The following SORCS1 variants were observed in gnomAD, a reference collection of about 807,000 sequenced individuals.
SORCS1 encodes the protein sortilin related VPS10 domain containing receptor 1.
In SORCS1, 60 loss-of-function variants were observed where a neutral mutation model predicts 146.1. The ratio of observed to expected loss-of-function variants is 0.41; its 90% CI spans 0.33 to 0.51. SORCS1 has a LOEUF of 0.51. Among genes scored for constraint, SORCS1 ranks in the 20% least tolerant of loss-of-function variants. The pLI is 0.21. For missense variants in SORCS1, 1,352 were observed against 1,487.6 expected (o/e 0.91, Z 1.50); for synonymous variants, 637 against 584.0 (o/e 1.09, Z -1.31).
intron 6 of SORCS1, among the ~76,000 whole-genome samples, chr10:106,719,297 G>C (rs1855613536): frequency 6.6e-6 from 1 of 152,172 alleles, no homozygotes. Flanking sequence ...GGAAGGGGGA[G>C]TGAGGGGAGA....
At position 106,611,937 on chromosome 10, in the gene SORCS1, G is replaced by T; in HGVS notation, c.3007C>A (p.Arg1003=). ...DIPEWRRDIG[R]VIKKSLVEAT... ...TCCACCAGGGATTTTTTGATGACTC[G>T]ACCGATGTCCCTCCTCCACTCAGGG... The change falls in exon 22 of 26, where the codon CGA becomes AGA. Residue 1003 remains arginine (R), a synonymous_variant. Coordinates refer to ENST00000263054, the MANE Select transcript of SORCS1 (RefSeq NM_052918.5). The T allele has an allele frequency of 6.2e-7, 1 of 1,613,978 alleles. No homozygotes were observed. The highest frequency in any genetic ancestry group is 8.5e-7 in the Non-Finnish European group (1 of 1,179,932).
At chr10:106,961,269 T>C (rs1302375005) in intron 1 of SORCS1, among the ~76,000 whole-genome samples, 3 of 152,212 alleles carry the variant, frequency 2.0e-5, no homozygotes, top group Non-Finnish European at 2.9e-5. Flanking sequence ...CCTATGCCAA[T>C]TATCAGTCAT....
intron 10 of SORCS1, among the ~76,000 whole-genome samples, chr10:106,680,582 T>C (rs1007832792): frequency 3.9e-5 from 6 of 152,218 alleles, no homozygotes; most frequent in Non-Finnish European, 1.5e-5. Flanking sequence ...GACTTGTTTG[T>C]GCAGAAACCT....
chr10:106,952,681 A>G (rs1294237443), intron 2 of SORCS1, among the ~76,000 whole-genome samples: 1 of 151,122 alleles, frequency 6.6e-6, no homozygotes, highest in Non-Finnish European at 1.5e-5. Flanking sequence ...CATTCCTATT[A>G]AAGTACTAAA....
intron 6 of SORCS1, among the ~76,000 whole-genome samples, chr10:106,713,689 A>G (rs1265224478): frequency 2.6e-5 from 4 of 152,232 alleles, no homozygotes; most frequent in Non-Finnish European, 5.9e-5. Context: ...TGAAGCTAAA[A>G]AATAGTGATG....
At chr10:106,725,976 A>G (rs1445292980) in intron 6 of SORCS1, among the ~76,000 whole-genome samples, 1 of 151,594 alleles carries the variant, frequency 6.6e-6, no homozygotes, top group Non-Finnish European at 1.5e-5. Flanking sequence ...GAGATAACAC[A>G]GAGATATGAA....
intron 4 of SORCS1, among the ~76,000 whole-genome samples, chr10:106,763,909 T>C (rs111260120): frequency 2.0e-5 from 3 of 152,332 alleles, no homozygotes; most frequent in African/African-American, 7.2e-5. Context: ...CTTTTAGATG[T>C]TGGAAATCCT....
chr10:106,807,246 G>C (rs1351945891), intron 3 of SORCS1, among the ~76,000 whole-genome samples: 1 of 152,184 alleles, frequency 6.6e-6, no homozygotes, highest in Non-Finnish European at 1.5e-5. Flanking sequence ...AGAGTGCAAG[G>C]ACTGCAGATA....
At chr10:106,977,107 TCAC>T (rs1383024745) in intron 1 of SORCS1, among the ~76,000 whole-genome samples, 1 of 152,212 alleles carries the variant, frequency 6.6e-6, no homozygotes, top group Non-Finnish European at 1.5e-5. Flanking sequence ...CCCTGAGGAA[TCAC>T]CACACTGTTT....
At chr10:107,098,244 C>T (rs1352802099) in intron 1 of SORCS1, among the ~76,000 whole-genome samples, 3 of 152,142 alleles carry the variant, frequency 2.0e-5, no homozygotes, top group African/African-American at 7.2e-5. Context: ...ATATTGAACT[C>T]TTTTATCTTT....
chr10:106,581,355 A>G lies in SORCS1; in HGVS notation c.3266-1881T>C, dbSNP rs1844901168. 2.8e-5 allele frequency among the ~76,000 whole-genome samples: 4 copies of G among 142,042 alleles called. 1 individual carries two copies. The South Asian group carries it at 7.1e-4, about 25-fold the overall frequency. The allele number at this position is 142,042 out of a possible 152,430, so 93.2% of individuals were successfully genotyped here. A position where few individuals can be genotyped will look rare whatever the true frequency, so the allele number is the denominator to read the frequency against. On this transcript the variant is annotated intron_variant, in intron 24 of 25. Coordinates refer to ENST00000263054, the MANE Select transcript of SORCS1 (RefSeq NM_052918.5). ...CACACACACACACACACACACACACACACACTTTCTATATACTCAATCCTG... is the reference window on the plus strand; with the variant it reads ...CACACACACACACACACACACACACGCACACTTTCTATATACTCAATCCTG...
At chr10:107,101,546 C>T (rs1232301057) in intron 1 of SORCS1, among the ~76,000 whole-genome samples, 1 of 152,150 alleles carries the variant, frequency 6.6e-6, no homozygotes, top group Non-Finnish European at 1.5e-5. Context: ...TAAAATTCCC[C>T]TGTGCTTCAC....
chr10:106,719,949 T>C (rs1330674966), intron 6 of SORCS1, among the ~76,000 whole-genome samples: 3 of 152,228 alleles, frequency 2.0e-5, no homozygotes, highest in Non-Finnish European at 4.4e-5. Context: ...TCCATTTGTC[T>C]GGAATGCTCT....
At chr10:106,737,055 A>ATGTGAGTGTGCG (rs67444252) in intron 5 of SORCS1, among the ~76,000 whole-genome samples, 117,755 of 150,860 alleles carry the variant, frequency 0.78, 46,792 homozygotes, top group Non-Finnish European at 0.87. Context: ...GTGTGTGTGC[A>ATGTGAGTGTGCG]TGTGAGTGTG....
At chr10:106,586,993 G>A (rs1485106617) in intron 24 of SORCS1, among the ~76,000 whole-genome samples, 2 of 152,108 alleles carry the variant, frequency 1.3e-5, no homozygotes, top group Non-Finnish European at 2.9e-5. Context: ...CTGCACGCTG[G>A]TAGGTAGATG....
intron 5 of SORCS1, among the ~76,000 whole-genome samples, chr10:106,749,696 T>A (rs1033018219): frequency 1.3e-5 from 2 of 152,182 alleles, no homozygotes; most frequent in African/African-American, 2.4e-5. Flanking sequence ...TTCAATCGAA[T>A]CAAAATGAGA....
chr10:107,097,941 G>GA (rs970294998), intron 1 of SORCS1, among the ~76,000 whole-genome samples: 6 of 151,954 alleles, frequency 3.9e-5, no homozygotes, highest in East Asian at 1.9e-4. Flanking sequence ...TGTAATACAG[G>GA]AAAAAAATGC....
intron 2 of SORCS1, among the ~76,000 whole-genome samples, chr10:106,890,504 C>G (rs893239750): frequency 4.6e-5 from 7 of 152,114 alleles, no homozygotes; most frequent in Admixed American, 2.6e-4. Flanking sequence ...AATGTGATCG[C>G]TAGCGATGAG....
chr10:107,155,182 C>A (rs1381634071), intron 1 of SORCS1, among the ~76,000 whole-genome samples: 1 of 152,158 alleles, frequency 6.6e-6, no homozygotes, highest in East Asian at 1.9e-4. Flanking sequence ...TAGGTCTTCA[C>A]TGTAGGGGGT....
Sources: allele counts gnomAD v4.1 joint callset (sites outside exome capture counted in the v4.1 genomes callset), GRCh38; gene constraint gnomAD v4.1.1; transcripts MANE v1.5; gene names NCBI Gene and HGNC (gene_info 2026-07-23, HGNC 2026-07-21).